Variants in AGBL4 observed in about 807,000 individuals in gnomAD.
AGBL4 encodes AGBL carboxypeptidase 4.
A neutral mutation model predicts 66.4 loss-of-function variants in AGBL4; 58 were observed. The observed-to-expected ratio is 0.87, with a 90% CI of 0.71 to 1.09. AGBL4 has a LOEUF of 1.09. AGBL4 is among the 50% of genes least tolerant of loss of function. The pLI is 0.00. For synonymous variants in AGBL4, 234 were observed against 222.9 expected, an observed-to-expected ratio of 1.05 and a Z score of -0.44; for missense variants, 579 against 631.0, an observed-to-expected ratio of 0.92 and a Z score of 0.88.
chr1:49,921,447 C>T (rs918345177), intron 1 of AGBL4, among the ~76,000 whole-genome samples: 3 of 152,060 alleles, frequency 2.0e-5, no homozygotes, highest in Admixed American at 1.3e-4. Context: ...TCCAGAAGGA[C>T]ACAACTAATA....
At chr1:48,642,339 C>T (rs1225676946) in intron 8 of AGBL4, among the ~76,000 whole-genome samples, 4 of 152,152 alleles carry the variant, frequency 2.6e-5, no homozygotes, top group Non-Finnish European at 5.9e-5. Context: ...GAGATTATCT[C>T]CAACCCTAAG....
At chr1:49,832,934 G>T (rs1453342256) in intron 2 of AGBL4, among the ~76,000 whole-genome samples, 4 of 152,004 alleles carry the variant, frequency 2.6e-5, no homozygotes, top group Admixed American at 2.6e-4. Context: ...TTTCTCCCAT[G>T]TTGTAGGTTG....
chr1:48,641,968 G>T (rs1051710218), intron 8 of AGBL4, among the ~76,000 whole-genome samples: 1 of 151,998 alleles, frequency 6.6e-6, no homozygotes, highest in Non-Finnish European at 1.5e-5. Context: ...GTTCCTTTAC[G>T]CAAACTGACG....
At chr1:49,087,483 A>G (rs973270584) in intron 4 of AGBL4, among the ~76,000 whole-genome samples, 1 of 152,250 alleles carries the variant, frequency 6.6e-6, no homozygotes, top group Non-Finnish European at 1.5e-5. Flanking sequence ...CTGAGGAAAG[A>G]ATCTTAGAGC....
At chr1:48,774,557 T>C (rs1192253852) in intron 6 of AGBL4, among the ~76,000 whole-genome samples, 1 of 152,238 alleles carries the variant, frequency 6.6e-6, no homozygotes, top group Non-Finnish European at 1.5e-5. Context: ...CTGGCACACT[T>C]CTTTGAACCT....
chr1:48,595,405 T>G (rs1193145267), intron 9 of AGBL4, among the ~76,000 whole-genome samples: 1 of 152,022 alleles, frequency 6.6e-6, no homozygotes, highest in Non-Finnish European at 1.5e-5. Context: ...AGTAAACAAA[T>G]GCATCTTAAG....
intron 3 of AGBL4, among the ~76,000 whole-genome samples, chr1:49,456,816 A>G (rs560010981): frequency 6.6e-6 from 1 of 151,870 alleles, no homozygotes; most frequent in South Asian, 2.1e-4. Flanking sequence ...GAGCGAGAAC[A>G]TACGATGTTT....
chr1:48,953,097 TGCCA>T (rs1322564745), intron 5 of AGBL4, among the ~76,000 whole-genome samples: 1 of 152,190 alleles, frequency 6.6e-6, no homozygotes, highest in African/African-American at 2.4e-5. Context: ...ATTTCTCAGT[TGCCA>T]GCAACAGAAG....
chr1:49,681,184 A>T (rs890307213), intron 3 of AGBL4, among the ~76,000 whole-genome samples: 6 of 152,196 alleles, frequency 3.9e-5, no homozygotes, highest in Non-Finnish European at 7.3e-5. Context: ...AGATACTTCT[A>T]ACTGTGTCAT....
At chr1:49,287,816 G>T (rs1644450105) in intron 3 of AGBL4, among the ~76,000 whole-genome samples, 1 of 135,074 alleles carries the variant, frequency 7.4e-6, no homozygotes, top group Non-Finnish European at 1.6e-5. Context: ...CGATTCCTCA[G>T]GGATCTAGAA....
At position 48,648,967 on chromosome 1, in the gene AGBL4, T is replaced by G. The variant is rs541860222; in HGVS notation, c.839+4370A>C. Among the ~76,000 whole-genome samples, 7 of 152,364 alleles carry G rather than the reference T, an allele frequency of 4.6e-5. No homozygotes were observed. The East Asian group carries it at 1.3e-3, about 29-fold the overall frequency. On this transcript the variant is annotated intron_variant, in intron 8 of 13. Transcript: ENST00000371839. Reference sequence around the variant, plus strand: ...TACTCTACACTGGGCACTGTAGCTTTGTGCCATCGTACAATCACTAAACAC... The same window carrying G: ...TACTCTACACTGGGCACTGTAGCTTGGTGCCATCGTACAATCACTAAACAC...
At chr1:49,686,165 C>T (rs1356272311) in intron 3 of AGBL4, among the ~76,000 whole-genome samples, 3 of 152,074 alleles carry the variant, frequency 2.0e-5, no homozygotes, top group Admixed American at 6.6e-5. Flanking sequence ...GTACTATCCC[C>T]AGTGGTTGTT....
chr1:49,185,371 A>G (rs1038374963), intron 4 of AGBL4, among the ~76,000 whole-genome samples: 2 of 152,230 alleles, frequency 1.3e-5, no homozygotes, highest in Non-Finnish European at 2.9e-5. Context: ...GCTGCTGAAC[A>G]GGGATCCACA....
chr1:49,732,027 T>C (rs557517814), intron 2 of AGBL4, among the ~76,000 whole-genome samples: 1 of 152,324 alleles, frequency 6.6e-6, no homozygotes, highest in South Asian at 2.1e-4. Context: ...CATAAGGACC[T>C]ACAGTAATTT....
intron 5 of AGBL4, among the ~76,000 whole-genome samples, chr1:49,035,831 A>G (rs987675434): frequency 1.3e-5 from 2 of 152,120 alleles, no homozygotes; most frequent in Non-Finnish European, 2.9e-5. Flanking sequence ...TTTCTATATT[A>G]TCTCTCCAAC....
chr1:48,948,102 A>G (rs1656675792), intron 5 of AGBL4, among the ~76,000 whole-genome samples: 1 of 152,180 alleles, frequency 6.6e-6, no homozygotes, highest in Admixed American at 6.5e-5. Context: ...ACAGGTCCTT[A>G]CAGAATATTT....
At chr1:49,306,025 C>A (rs528866515) in intron 3 of AGBL4, among the ~76,000 whole-genome samples, 1 of 152,264 alleles carries the variant, frequency 6.6e-6, no homozygotes, top group Non-Finnish European at 1.5e-5. Context: ...CATTGAGCTA[C>A]TTTCAGAATT....
intron 1 of AGBL4, among the ~76,000 whole-genome samples, chr1:49,938,101 A>G (rs1469441222): frequency 6.7e-6 from 1 of 149,970 alleles, no homozygotes; most frequent in South Asian, 2.1e-4. Context: ...ACCGCTAGCA[A>G]GACTAATAAA....
intron 2 of AGBL4, among the ~76,000 whole-genome samples, chr1:49,776,531 G>A (rs767518993): frequency 1.3e-5 from 2 of 151,886 alleles, no homozygotes; most frequent in African/African-American, 2.4e-5. Context: ...GTTCCCTTAG[G>A]GTATTACCTG....
Sources: allele counts gnomAD v4.1 joint callset (sites outside exome capture counted in the v4.1 genomes callset), GRCh38; gene constraint gnomAD v4.1.1; transcripts MANE v1.5; gene names NCBI Gene and HGNC (gene_info 2026-07-23, HGNC 2026-07-21).